LTBP4: variants seen among roughly 807,000 people sequenced by gnomAD.
The protein encoded by LTBP4 is latent-transforming growth factor beta-binding protein 4.
LTBP4 carries 93 observed loss-of-function variants against 180.2 expected under a neutral mutation model. The observed-to-expected ratio is 0.52, with a 90% CI of 0.44 to 0.61. LTBP4 has a LOEUF of 0.61. LTBP4 is among the 20% of genes least tolerant of loss of function. The pLI, the probability that LTBP4 is intolerant of heterozygous loss-of-function variation, is 0.00. For missense variants in LTBP4, 2,116 were observed against 2,256.5 expected (o/e 0.94, Z 1.26); for synonymous variants, 947 against 934.5 (o/e 1.01, Z -0.24).
In LTBP4 at chr19:40,616,954, G is replaced by A; in HGVS notation, c.2878G>A (p.Gly960Ser). 1 of 1,614,002 alleles carries A rather than the reference G, an allele frequency of 6.2e-7. No individual in the cohort carries two copies. Among genetic ancestry groups the A allele is most frequent in the Non-Finnish European group, 8.5e-7 (1 of 1,179,884 alleles). Residue 960 changes from glycine to serine, a missense_variant, in exon 20 of 30, where the codon GGC (glycine) becomes AGC (serine). Around this residue, in one of 5 missense-constraint regions of LTBP4, gnomAD observed 877 missense variants for 873.6 expected, o/e 1.00. Coordinates refer to ENST00000396819, the MANE Select transcript of LTBP4 (RefSeq NM_001042545.2). Reference protein sequence around the residue: ...CGAQRCENTPGSYRCTPACDP... With the variant: ...CGAQRCENTPSSYRCTPACDP... ...AGCCCAGCGTTGTGAGAACACCCCTGGCTCCTACCGCTGCACACCAGCCTG... is the reference window on the plus strand; with the variant it reads ...AGCCCAGCGTTGTGAGAACACCCCTAGCTCCTACCGCTGCACACCAGCCTG...
intron 1 of LTBP4, among the ~76,000 whole-genome samples, chr19:40,604,114 G>A (rs979395148): frequency 6.6e-6 from 1 of 152,222 alleles, no homozygotes; most frequent in African/African-American, 2.4e-5. Flanking sequence ...CACCCGGACA[G>A]CCTGGAGGTG....
chr19:40,606,622 C>G (rs1168168944), intron 6 of LTBP4, 96 bp downstream of exon 6: 2 of 1,456,586 alleles, frequency 1.4e-6, no homozygotes, highest in East Asian at 2.5e-5. Flanking sequence ...CGGACCCCCC[C>G]AGACTCCCGG....
chr19:40,611,035 C>A lies in LTBP4; in HGVS notation c.1811-117C>A. On this transcript the variant is annotated intron_variant, in intron 12 of 29. Transcript: ENST00000396819. The surrounding 1 kb of genome is among the most constrained non-coding windows in gnomAD (Gnocchi z 4.4). ...AGGATGCAGAGTCAGATGATGGTGACAAGGAGGAATAGAGATGGGGTCACG... is the reference window on the plus strand; with the variant it reads ...AGGATGCAGAGTCAGATGATGGTGAAAAGGAGGAATAGAGATGGGGTCACG... The A allele has an allele frequency of 1.4e-6, 2 of 1,386,420 alleles. No individual in the cohort carries two copies. The highest frequency in any genetic ancestry group is 1.0e-6 in the Non-Finnish European group (1 of 1,003,288). 85.9% of individuals were successfully genotyped at this position (1,386,420 alleles called of 1,614,324 possible).
intron 19 of LTBP4, 100 bp from the exon 20 acceptor site, chr19:40,616,789 C>A: frequency 7.3e-7 from 1 of 1,375,380 alleles, no homozygotes; most frequent in Non-Finnish European, 1.0e-6. Context: ...CCTAGAATAC[C>A]AGATTGCTAA....
chr19:40,613,089 C>G lies in LTBP4; in HGVS notation c.2324C>G (p.Ala775Gly). The G allele has an allele frequency of 6.2e-7, 1 of 1,611,478 alleles. No individual in the cohort carries two copies. Among genetic ancestry groups the G allele is most frequent in the South Asian group, 1.1e-5 (1 of 90,446 alleles). ...GATGTGGACGAATGCAGTTCGGGTG[C>G]CCCTCCCTGTGGTCCCCACGGCCAC... is the stretch of plus-strand genomic sequence containing the variant. Reference protein sequence around the residue: ...CTDVDECSSGAPPCGPHGHCT... With the variant: ...CTDVDECSSGGPPCGPHGHCT... Residue 775 changes from alanine (A) to glycine (G), a missense_variant, in exon 16 of 30, where the codon GCC becomes GGC. By Grantham distance (60) the Ala-to-Gly change is moderately conservative. Coordinates refer to ENST00000396819, the MANE Select transcript of LTBP4 (RefSeq NM_001042545.2). The surrounding 1 kb of genome is among the most constrained non-coding windows in gnomAD (Gnocchi z 5.0).
rs374498718 is a variant in LTBP4 at position 40,619,524 on chromosome 19, C to T, written c.3217+31C>T. On this transcript the variant is annotated intron_variant, in intron 22 of 29. Transcript: ENST00000396819. ...ACTGATGTGTCTATTTAACTGATGG[C>T]GGCTGGCCCCATGGGAAAATCACGT... The T allele has an allele frequency of 2.4e-5, 37 of 1,567,114 alleles. 1 individual carries two copies. Among genetic ancestry groups the T allele is most frequent in the East Asian group, 9.1e-5 (4 of 44,038 alleles).
chr19:40,607,279 C>CCCAACAA, intron 6 of LTBP4, 86 bp from the exon 7 acceptor site: 1 of 1,126,376 alleles, frequency 8.9e-7, no homozygotes, highest in Non-Finnish European at 1.3e-6. Context: ...CCCCCAACCC[C>CCCAACAA]AGAACCATTC....
chr19:40,609,681 C>G lies in LTBP4; in HGVS notation c.1558+20C>G. On this transcript the variant is annotated intron_variant, in intron 10 of 29. Coordinates refer to ENST00000396819, the MANE Select transcript of LTBP4 (RefSeq NM_001042545.2). This position sits in a 1 kb window ranked among gnomAD's most constrained non-coding sequence, Gnocchi z 4.9. ...GCATTGGTGAGCAAGACGGAGGGCGCGGAAGGAGGCGGGGCGGGGGGCTTT... is the reference window on the plus strand; with the variant it reads ...GCATTGGTGAGCAAGACGGAGGGCGGGGAAGGAGGCGGGGCGGGGGGCTTT... 1 of 1,612,046 alleles carries G rather than the reference C, an allele frequency of 6.2e-7. No individual in the cohort carries two copies. The highest frequency in any genetic ancestry group is 8.5e-7 in the Non-Finnish European group (1 of 1,178,868).
chr19:40,616,859 C>T, intron 19 of LTBP4, 30 bp from the exon 20 acceptor site: 2 of 1,612,298 alleles, frequency 1.2e-6, no homozygotes, highest in African/African-American at 1.3e-5. Context: ...AGGCCTTTGA[C>T]TCCCCTTTCA....
In LTBP4 at chr19:40,613,330, G is replaced by T; in HGVS notation, c.2432-74G>T. On this transcript the variant is annotated intron_variant, in intron 16 of 29. Transcript: ENST00000396819. The surrounding 1 kb of genome is among the most constrained non-coding windows in gnomAD (Gnocchi z 5.0). ...GAAACCTGGCATTGGTGGGGGCGGGGTTACTGCGATGTGGGCGGAGCTTGT... is the reference window on the plus strand; with the variant it reads ...GAAACCTGGCATTGGTGGGGGCGGGTTTACTGCGATGTGGGCGGAGCTTGT... 1 of 1,558,998 alleles carries T rather than the reference G, an allele frequency of 6.4e-7. No individual in the cohort carries two copies. Among genetic ancestry groups the T allele is most frequent in the Non-Finnish European group, 8.7e-7 (1 of 1,152,684 alleles).
intron 1 of LTBP4, among the ~76,000 whole-genome samples, chr19:40,602,014 C>T (rs772164160): frequency 6.6e-6 from 1 of 151,672 alleles, no homozygotes; most frequent in Non-Finnish European, 1.5e-5. Context: ...GTCTCAGGAC[C>T]GCATGGGGGA....
chr19:40,607,182 G>A (rs2081468969), intron 6 of LTBP4, among the ~76,000 whole-genome samples, 183 bp from the exon 7 acceptor site: 1 of 152,024 alleles, frequency 6.6e-6, no homozygotes, highest in African/African-American at 2.4e-5. Context: ...GAGGCTCCAA[G>A]CCCTTCTCAG....
chr19:40,615,274 C>T (rs2081541106), intron 19 of LTBP4: 1 of 145,950 alleles, frequency 6.9e-6, no homozygotes, highest in East Asian at 2.1e-4. Context: ...CTGCCGTTGA[C>T]TCTGCTAGAC....
chr19:40,610,324 A>C, intron 11 of LTBP4: 1 of 592,448 alleles, frequency 1.7e-6, no homozygotes, highest in South Asian at 2.2e-5. Flanking sequence ...TGGTCCCCAA[A>C]GCTCTCCTTT....
In LTBP4 at chr19:40,611,028, A is replaced by T; in HGVS notation, c.1811-124A>T. 7.5e-7 allele frequency: 1 copy of T among 1,336,360 alleles called. No individual in the cohort carries two copies. The highest frequency in any genetic ancestry group is 1.0e-6 in the Non-Finnish European group (1 of 962,322). 82.8% of individuals were successfully genotyped at this position (1,336,360 alleles called of 1,614,324 possible). A position where few individuals can be genotyped will look rare whatever the true frequency, so the allele number is the denominator to read the frequency against. ...TTGGTGGAGGATGCAGAGTCAGATGATGGTGACAAGGAGGAATAGAGATGG... is the reference window on the plus strand; with the variant it reads ...TTGGTGGAGGATGCAGAGTCAGATGTTGGTGACAAGGAGGAATAGAGATGG... On this transcript the variant is annotated intron_variant, in intron 12 of 29. Transcript: ENST00000396819. The surrounding 1 kb of genome is among the most constrained non-coding windows in gnomAD (Gnocchi z 4.4).
chr19:40,611,002 A>C lies in LTBP4; in HGVS notation c.1811-150A>C. 1 of 1,097,066 alleles carries C rather than the reference A, an allele frequency of 9.1e-7. No homozygotes were observed. The highest frequency in any genetic ancestry group is 1.3e-6 in the Non-Finnish European group (1 of 766,146). 68.0% of individuals were successfully genotyped at this position (1,097,066 alleles called of 1,614,324 possible). On this transcript the variant is annotated intron_variant, in intron 12 of 29. Coordinates refer to ENST00000396819, the MANE Select transcript of LTBP4 (RefSeq NM_001042545.2). This position sits in a 1 kb window ranked among gnomAD's most constrained non-coding sequence, Gnocchi z 4.4. ...GAACCAGCCAGGCAGCTTAGTAGGGATTGGTGGAGGATGCAGAGTCAGATG... is the reference window on the plus strand; with the variant it reads ...GAACCAGCCAGGCAGCTTAGTAGGGCTTGGTGGAGGATGCAGAGTCAGATG...
Position 40,606,584 on chromosome 19 carries a change from C to T in LTBP4, c.991+58C>T, listed in dbSNP as rs1423548330. The T allele has an allele frequency of 5.4e-5, 83 of 1,528,928 alleles. 1 individual carries two copies. In the Admixed American group the frequency reaches 1.1e-3, roughly 21 times the overall value. The allele number at this position is 1,528,928 out of a possible 1,614,324, so 94.7% of individuals were successfully genotyped here. On this transcript the variant is annotated intron_variant, in intron 6 of 29. Coordinates refer to ENST00000396819, the MANE Select transcript of LTBP4 (RefSeq NM_001042545.2). ...CCGCCCTCCCTGCCCTCAGAAGTCCCAGAGCATCCTGGGGCCTTTAATTCC... is the reference window on the plus strand; with the variant it reads ...CCGCCCTCCCTGCCCTCAGAAGTCCTAGAGCATCCTGGGGCCTTTAATTCC...
rs761342071 is a variant in LTBP4 at position 40,605,612 on chromosome 19, C to G, written c.650C>G (p.Ser217Trp). 1.1e-5 allele frequency: 17 copies of G among 1,595,296 alleles called. No individual in the cohort carries two copies. The highest frequency in any genetic ancestry group is 1.2e-5 in the Non-Finnish European group (14 of 1,171,180). The change falls in exon 3 of 30, where the codon TCG (serine) becomes TGG (tryptophan). Residue 217 changes from serine to tryptophan, a missense_variant. Physicochemically the swap from Ser to Trp is radical, Grantham distance 177. Around this residue, in one of 5 missense-constraint regions of LTBP4, gnomAD observed 469 missense variants for 532.5 expected, o/e 0.88. Transcript: ENST00000396819. The surrounding 1 kb of genome is among the most constrained non-coding windows in gnomAD (Gnocchi z 5.5). ...APREDGYSDA[S>W]GFGYCFRELR... ...CGGGAGGACGGCTACTCAGATGCCT[C>G]GGGCTTCGGTTACTGCTTTCGGGAG...
Position 40,616,309 on chromosome 19 carries a change from AGCTGG to A in LTBP4, c.2813-579_2813-575del, listed in dbSNP as rs1568409751. On this transcript the variant is annotated intron_variant, in intron 19 of 29. Coordinates refer to ENST00000396819, the MANE Select transcript of LTBP4 (RefSeq NM_001042545.2). Reference sequence around the variant, plus strand: ...ACCCCATTTAAAAAAAAGAAAAAAAAGCTGGATGGGGTGGCTCATGCCTATAATCC... The same window carrying A: ...ACCCCATTTAAAAAAAAGAAAAAAAAATGGGGTGGCTCATGCCTATAATCC... 2.5e-3 allele frequency among the ~76,000 whole-genome samples: 380 copies of A among 149,548 alleles called. 4 individuals carry two copies. The highest frequency in any genetic ancestry group is 9.0e-3 in the African/African-American group (360 of 39,984).
Sources: allele counts gnomAD v4.1 joint callset (sites outside exome capture counted in the v4.1 genomes callset), GRCh38; gene constraint gnomAD v4.1.1; regional missense constraint gnomAD v4.1.1; non-coding constraint Gnocchi (gnomAD v3.1); transcripts MANE v1.5; gene names NCBI Gene and HGNC (gene_info 2026-07-23, HGNC 2026-07-21).